ARHGEF4: variants seen among roughly 807,000 people sequenced by gnomAD.
ARHGEF4 encodes the protein APC-stimulated guanine nucleotide exchange factor 1.
A neutral mutation model predicts 162.0 loss-of-function variants in ARHGEF4; 119 were observed. The ratio of observed to expected loss-of-function variants is 0.73; its 90% CI spans 0.63 to 0.86. The LOEUF (loss-of-function observed/expected upper bound fraction) is 0.86, where lower values mean the gene tolerates loss of function less well. Among genes scored for constraint, ARHGEF4 ranks in the 40% least tolerant of loss-of-function variants. ARHGEF4 has a pLI of 0.00. For synonymous variants in ARHGEF4, 1,014 were observed against 979.9 expected (o/e 1.03, Z -0.65); for missense variants, 2,488 against 2,456.0 (o/e 1.01, Z -0.28).
intron 3 of ARHGEF4, among the ~76,000 whole-genome samples, chr2:130,945,623 C>A (rs1376251837): frequency 6.6e-6 from 1 of 152,036 alleles, no homozygotes; most frequent in African/African-American, 2.4e-5. Flanking sequence ...GAGTTCAGAC[C>A]AGGGCACACC....
intron 10 of ARHGEF4, 100 bp downstream of exon 10, chr2:131,042,044 G>T: frequency 6.8e-7 from 1 of 1,464,460 alleles, no homozygotes; most frequent in Non-Finnish European, 9.1e-7. Flanking sequence ...GAAGCAGGGA[G>T]CTGCGCTCCT....
At chr2:130,854,860 T>TTATTTATG (rs1180665862) in intron 1 of ARHGEF4, among the ~76,000 whole-genome samples, 1 of 149,220 alleles carries the variant, frequency 6.7e-6, no homozygotes, top group African/African-American at 2.5e-5. Context: ...ATTTATTTAT[T>TTATTTATG]TATTTATTTA....
intron 4 of ARHGEF4, among the ~76,000 whole-genome samples, chr2:130,960,748 A>C (rs1299612611): frequency 6.6e-6 from 1 of 152,134 alleles, no homozygotes; most frequent in Non-Finnish European, 1.5e-5. Flanking sequence ...TCCCTGCACC[A>C]GTCTTTGTCC....
Position 131,046,491 on chromosome 2 carries a change from A to G in ARHGEF4, c.*302A>G, listed in dbSNP as rs1177685369. 3 of 333,364 alleles carry G rather than the reference A, an allele frequency of 9.0e-6. No homozygotes were observed. The highest frequency in any genetic ancestry group is 1.1e-5 in the Non-Finnish European group (2 of 181,956). 20.7% of individuals were successfully genotyped at this position (333,364 alleles called of 1,614,324 possible). A position where few individuals can be genotyped will look rare whatever the true frequency, so the allele number is the denominator to read the frequency against. On this transcript the variant is annotated 3_prime_UTR_variant, in exon 14 of 14. Transcript: ENST00000409359. Reference sequence around the variant, plus strand: ...CTCACTGCTGGAGCGGGGAAACCGCAGCTCAGCCCAGGCCCAGCTGGGGAG... The same window carrying G: ...CTCACTGCTGGAGCGGGGAAACCGCGGCTCAGCCCAGGCCCAGCTGGGGAG...
At chr2:130,999,872 T>G (rs1687657795) in intron 4 of ARHGEF4, among the ~76,000 whole-genome samples, 1 of 152,138 alleles carries the variant, frequency 6.6e-6, no homozygotes, top group Non-Finnish European at 1.5e-5. Flanking sequence ...CTACCACACC[T>G]GGCTAATGTT....
chr2:130,926,757 C>A (rs58245958), intron 2 of ARHGEF4, among the ~76,000 whole-genome samples: 1,939 of 134,226 alleles, frequency 0.014, 38 homozygotes, highest in African/African-American at 0.048. Flanking sequence ...AGTGGCTCAA[C>A]AGTCAAAGAC....
In ARHGEF4 at chr2:130,856,748, A is replaced by G. The variant is rs528857025; in HGVS notation, c.39+19756A>G. On this transcript the variant is annotated intron_variant, in intron 1 of 13. Coordinates refer to ENST00000409359, the MANE Select transcript of ARHGEF4 (RefSeq NM_001367493.1). ...CAGCACACCAACATGGCGCATGTAT[A>G]CATATGTAACTAACCTGCACGTTGT... Among the ~76,000 whole-genome samples, 87 of 152,334 alleles carry G rather than the reference A, an allele frequency of 5.7e-4. 1 individual carries two copies. Among genetic ancestry groups the G allele is most frequent in the Admixed American group, 5.6e-3 (85 of 15,302 alleles).
chr2:131,035,537 G>C, intron 5 of ARHGEF4: 1 of 526,410 alleles, frequency 1.9e-6, no homozygotes, highest in Non-Finnish European at 2.6e-6. Flanking sequence ...GCGAGTAACC[G>C]AGGATGCGGA....
chr2:130,914,605 G>A lies in ARHGEF4; in HGVS notation c.659G>A (p.Ser220Asn). 7.2e-7 allele frequency: 1 copy of A among 1,392,588 alleles called. No homozygotes were observed. Among genetic ancestry groups the A allele is most frequent in the Non-Finnish European group, 9.3e-7 (1 of 1,080,086 alleles). The allele number at this position is 1,392,588 out of a possible 1,614,324, so 86.3% of individuals were successfully genotyped here. Residue 220 changes from serine to asparagine, a missense_variant, in exon 2 of 14, where the codon AGC becomes AAC. Physicochemically the swap from Ser to Asn is conservative, Grantham distance 46. Coordinates refer to ENST00000409359, the MANE Select transcript of ARHGEF4 (RefSeq NM_001367493.1). ...TCTCTTCAGAAATCCAGGTCTGAGAGCTATCTGGGCATCCCAGTGGTCTGG... is the reference window on the plus strand; with the variant it reads ...TCTCTTCAGAAATCCAGGTCTGAGAACTATCTGGGCATCCCAGTGGTCTGG... ...SVSLQKSRSE[S>N]YLGIPVVWPF...
intron 3 of ARHGEF4, among the ~76,000 whole-genome samples, 172 bp from the exon 4 acceptor site, chr2:130,946,337 G>A (rs1360556868): frequency 6.6e-6 from 1 of 152,162 alleles, no homozygotes; most frequent in Non-Finnish European, 1.5e-5. Context: ...TCCAGGTGAA[G>A]TTTTTCTTGT....
intron 1 of ARHGEF4, among the ~76,000 whole-genome samples, chr2:130,876,597 T>G (rs1389262244): frequency 6.6e-6 from 1 of 152,186 alleles, no homozygotes; most frequent in Non-Finnish European, 1.5e-5. Flanking sequence ...TTTCACCATG[T>G]TAGCCAGGAT....
In ARHGEF4 at chr2:131,044,305, C is replaced by G. The variant is rs1327535874; in HGVS notation, c.5164C>G (p.Leu1722Val). 5.0e-6 allele frequency: 8 copies of G among 1,610,376 alleles called. No homozygotes were observed. In the South Asian group the frequency reaches 8.9e-5, roughly 18 times the overall value. The change falls in exon 12 of 14, where the codon CTC (leucine) becomes GTC (valine). Residue 1722 changes from leucine (L) to valine (V), a missense_variant. Physicochemically the swap from Leu to Val is conservative, Grantham distance 32. Transcript: ENST00000409359. ...HQLIYCKKDL[L>V]RRDVLYYKGR... The stretch of plus-strand genomic sequence containing the variant: ...TGAGGCCAGCATCTGGCAGGACCTG[C>G]TCCGCCGCGACGTGTTGTACTACAA...
chr2:131,027,772 C>T (rs2105368391), intron 4 of ARHGEF4, among the ~76,000 whole-genome samples, 173 bp from the exon 5 acceptor site: 1 of 152,224 alleles, frequency 6.6e-6, no homozygotes, highest in South Asian at 2.1e-4. Context: ...CATTCTTTCA[C>T]CCAGGCCACA....
intron 1 of ARHGEF4, among the ~76,000 whole-genome samples, chr2:130,879,888 C>G (rs996944313): frequency 3.9e-5 from 6 of 152,188 alleles, no homozygotes; most frequent in Non-Finnish European, 7.3e-5. Context: ...AAGGGCTTCT[C>G]CTGCCTCAGC....
chr2:130,968,073 C>G (rs974505575), intron 4 of ARHGEF4, among the ~76,000 whole-genome samples: 1 of 152,210 alleles, frequency 6.6e-6, no homozygotes, highest in African/African-American at 2.4e-5. Flanking sequence ...CTCCAAAGGT[C>G]AGACTAATAC....
chr2:130,927,089 T>G (rs1682343864), intron 2 of ARHGEF4, among the ~76,000 whole-genome samples: 1 of 151,990 alleles, frequency 6.6e-6, no homozygotes, highest in Non-Finnish European at 1.5e-5. Context: ...GTCATGTTGA[T>G]CTTAGCCATT....
At chr2:131,024,092 T>G (rs1689316006) in intron 4 of ARHGEF4, among the ~76,000 whole-genome samples, 1 of 152,194 alleles carries the variant, frequency 6.6e-6, no homozygotes, top group Non-Finnish European at 1.5e-5. Flanking sequence ...GCCATACGCC[T>G]ATACACACAC....
At position 130,963,675 on chromosome 2, in the gene ARHGEF4, G is replaced by C. The variant is rs1343227357; in HGVS notation, c.3985+17040G>C. 3.4e-5 allele frequency: 5 copies of C among 146,182 alleles called. No homozygotes were observed. In the East Asian group the frequency reaches 1.0e-3, roughly 30 times the overall value. 9.1% of individuals were successfully genotyped at this position (146,182 alleles called of 1,614,324 possible). A position where few individuals can be genotyped will look rare whatever the true frequency, so the allele number is the denominator to read the frequency against. Reference sequence around the variant, plus strand: ...CCTGCGTGCGCGCGTGCGTGAGCGCGTGCCGACCGGGCCCGCGACCCGCAC... The same window carrying C: ...CCTGCGTGCGCGCGTGCGTGAGCGCCTGCCGACCGGGCCCGCGACCCGCAC... On this transcript the variant is annotated intron_variant, in intron 4 of 13. Coordinates refer to ENST00000409359, the MANE Select transcript of ARHGEF4 (RefSeq NM_001367493.1).
Position 130,916,321 on chromosome 2 carries a change from C to A in ARHGEF4, c.2375C>A (p.Pro792Gln). Residue 792 changes from proline to glutamine, a missense_variant, in exon 2 of 14, where the codon CCG (proline) becomes CAG (glutamine). Coordinates refer to ENST00000409359, the MANE Select transcript of ARHGEF4 (RefSeq NM_001367493.1). ...RKGAQEPGKR[P>Q]TFSKVTSFRK... ...GGCGCGCAGGAGCCTGGGAAGCGCC[C>A]GACGTTTTCCAAGGTGACCTCCTTC... is the stretch of plus-strand genomic sequence containing the variant. 5.8e-6 allele frequency: 9 copies of A among 1,542,900 alleles called. No individual in the cohort carries two copies. Among genetic ancestry groups the A allele is most frequent in the Non-Finnish European group, 7.9e-6 (9 of 1,145,096 alleles).
Sources: gnomAD v4.1 joint callset for allele counts (sites outside exome capture counted in the v4.1 genomes callset) on GRCh38, gnomAD v4.1.1 for gene constraint, MANE v1.5 for transcripts, NCBI Gene and HGNC (gene_info 2026-07-23, HGNC 2026-07-21) for gene names.